POLK: variants seen among roughly 807,000 people sequenced by gnomAD.
The protein encoded by POLK is DNA polymerase kappa.
POLK carries 76 observed loss-of-function variants against 94.0 expected under a neutral mutation model. The ratio of observed to expected loss-of-function variants is 0.81; its 90% CI spans 0.67 to 0.98. The LOEUF is 0.98. POLK is among the 50% of genes least tolerant of loss of function. The pLI is 0.00. For synonymous variants in POLK, 349 were observed against 325.4 expected, an observed-to-expected ratio of 1.07 and a Z score of -0.78; for missense variants, 954 against 1,010.1, an observed-to-expected ratio of 0.94 and a Z score of 0.75.
exon 13 of POLK, chr5:75,597,084 T>C: frequency 6.2e-7 from 1 of 1,613,036 alleles, no homozygotes; most frequent in Non-Finnish European, 8.5e-7. Flanking sequence ...TCAATGTGCA[T>C]GTGGATGTTT....
At chr5:75,562,640 G>T (rs1202348025) in intron 3 of POLK, among the ~76,000 whole-genome samples, 1 of 152,202 alleles carries the variant, frequency 6.6e-6, no homozygotes, top group Non-Finnish European at 1.5e-5. Flanking sequence ...GATATTGGCT[G>T]TGGGTTTGTA....
intron 3 of POLK, among the ~76,000 whole-genome samples, chr5:75,558,143 G>T (rs897578225): frequency 1.3e-5 from 2 of 151,870 alleles, no homozygotes; most frequent in Non-Finnish European, 2.9e-5. Context: ...ATACAGGAAA[G>T]TGATTGACTT....
intron 10 of POLK, among the ~76,000 whole-genome samples, chr5:75,589,542 C>T (rs1404767126): frequency 6.6e-6 from 1 of 152,004 alleles, no homozygotes. Flanking sequence ...GCTCCGCCTC[C>T]TGGGTTCTCG....
intron 1 of POLK, among the ~76,000 whole-genome samples, chr5:75,521,380 A>G (rs1768578763): frequency 6.6e-6 from 1 of 151,254 alleles, no homozygotes; most frequent in African/African-American, 2.4e-5. Flanking sequence ...TGTTGTTGAG[A>G]GCCTCTAATG....
At chr5:75,515,015 A>T (rs1288447651) in intron 1 of POLK, among the ~76,000 whole-genome samples, 1 of 152,198 alleles carries the variant, frequency 6.6e-6, no homozygotes, top group Non-Finnish European at 1.5e-5. Flanking sequence ...ATTCATCCAC[A>T]TGCATTTTTA....
At chr5:75,547,427 T>C (rs1171201045) in intron 2 of POLK, among the ~76,000 whole-genome samples, 2 of 151,812 alleles carry the variant, frequency 1.3e-5, no homozygotes, top group Non-Finnish European at 2.9e-5. Context: ...GTGGGAGAAA[T>C]TGTTTAGGTA....
downstream of POLK, among the ~76,000 whole-genome samples, chr5:75,604,017 A>G (rs1427850458): frequency 6.6e-6 from 1 of 152,208 alleles, no homozygotes; most frequent in Admixed American, 6.5e-5. Flanking sequence ...TATGAAGTGT[A>G]TGGCCTGGCA....
upstream of POLK, chr5:75,511,554 G>GA (rs1768005571): frequency 1.4e-5 from 21 of 1,458,418 alleles, no homozygotes; most frequent in East Asian, 2.5e-5. Flanking sequence ...GAAGGGAAGA[G>GA]AAAATCCGGC....
intron 1 of POLK, among the ~76,000 whole-genome samples, chr5:75,540,628 G>C (rs929909225): frequency 2.6e-5 from 4 of 152,074 alleles, no homozygotes; most frequent in Non-Finnish European, 5.9e-5. Flanking sequence ...TAATATTCTA[G>C]ATTGTAGAGC....
chr5:75,566,877 C>T (rs1437001262), intron 3 of POLK, among the ~76,000 whole-genome samples: 2 of 152,162 alleles, frequency 1.3e-5, no homozygotes, highest in Non-Finnish European at 2.9e-5. Flanking sequence ...AAAGGAACAA[C>T]GTGCATGTTG....
intron 12 of POLK, 53 bp downstream of exon 12, chr5:75,594,102 A>G: frequency 7.3e-7 from 1 of 1,375,822 alleles, no homozygotes; most frequent in East Asian, 2.3e-5. Context: ...ATTTTCCCAA[A>G]TAATCAACTT....
At chr5:75,596,087 G>A in intron 12 of POLK, 135 bp from the exon 13 acceptor site, 1 of 597,366 alleles carries the variant, frequency 1.7e-6, no homozygotes. Flanking sequence ...TATAATACCA[G>A]CTTTGAAATG....
downstream of POLK, among the ~76,000 whole-genome samples, chr5:75,601,900 A>G (rs996575155): frequency 6.6e-6 from 1 of 152,202 alleles, no homozygotes; most frequent in Non-Finnish European, 1.5e-5. Flanking sequence ...CTGTCCCTCT[A>G]GAGGACCCTA....
intron 13 of POLK, chr5:75,597,513 T>G (rs1581113272): frequency 4.8e-6 from 2 of 414,718 alleles, no homozygotes; most frequent in Non-Finnish European, 8.5e-6. Flanking sequence ...AAAGCCTCTT[T>G]AACTTATTTT....
intron 1 of POLK, among the ~76,000 whole-genome samples, chr5:75,524,280 A>C (rs1768728828): frequency 6.6e-6 from 1 of 152,214 alleles, no homozygotes. Flanking sequence ...GAATAGGTTT[A>C]AATCTAGGAA....
chr5:75,562,286 A>G (rs1292542589), intron 3 of POLK, among the ~76,000 whole-genome samples: 1 of 152,082 alleles, frequency 6.6e-6, no homozygotes, highest in South Asian at 2.1e-4. Flanking sequence ...TGTGAGTGAG[A>G]GTTCACTCAT....
rs750818582 is a variant in POLK at position 75,573,739 on chromosome 5, C to CAGTT, written c.410_411insAGTT (p.Thr138ValfsTer22). On this transcript the variant is annotated frameshift_variant and splice_region_variant, in exon 5 of 15. Coordinates refer to ENST00000241436, the Ensembl canonical transcript of POLK. LOFTEE classifies it high-confidence loss of function. ...TCCATGTGGTCAATTTTCTTTCAGT[C>CAGTT]TACTTCAAATTACCATGCAAGGAGA... The CAGTT allele has an allele frequency of 6.2e-7, 1 of 1,612,136 alleles. No individual in the cohort carries two copies. Among genetic ancestry groups the CAGTT allele is most frequent in the Non-Finnish European group, 8.5e-7 (1 of 1,178,424 alleles).
At chr5:75,563,103 T>G (rs982519856) in intron 3 of POLK, among the ~76,000 whole-genome samples, 1 of 152,204 alleles carries the variant, frequency 6.6e-6, no homozygotes, top group Admixed American at 6.5e-5. Context: ...CTCCTCTTTG[T>G]ACCTCTGGTA....
intron 3 of POLK, among the ~76,000 whole-genome samples, chr5:75,562,809 C>T (rs10038775): frequency 0.011 from 1,647 of 152,220 alleles, 18 homozygotes; most frequent in East Asian, 0.022. Context: ...TGATGGATTA[C>T]GTTTATTGAA....
Sources: gnomAD v4.1 joint callset for allele counts (sites outside exome capture counted in the v4.1 genomes callset) on GRCh38, gnomAD v4.1.1 for gene constraint, MANE v1.5 for transcripts, NCBI Gene and HGNC (gene_info 2026-07-23, HGNC 2026-07-21) for gene names.